Variants in FAM117B observed in about 807,000 individuals in gnomAD.
FAM117B encodes protein FAM117B.
FAM117B carries 22 observed loss-of-function variants against 52.8 expected under a neutral mutation model. The ratio of observed to expected loss-of-function variants is 0.42; its 90% CI spans 0.30 to 0.59. The LOEUF is 0.59. Among genes scored for constraint, FAM117B ranks in the 20% least tolerant of loss-of-function variants. FAM117B has a pLI of 0.22. For missense variants in FAM117B, 678 were observed against 802.6 expected (o/e 0.84, Z 1.88); for synonymous variants, 309 against 324.1 (o/e 0.95, Z 0.50).
At chr2:202,654,079 G>A (rs897789103) in intron 1 of FAM117B, among the ~76,000 whole-genome samples, 2 of 151,524 alleles carry the variant, frequency 1.3e-5, no homozygotes, top group African/African-American at 4.9e-5. Flanking sequence ...GAGAGAGAGA[G>A]AGAGAGAGAG....
intron 4 of FAM117B, among the ~76,000 whole-genome samples, chr2:202,738,066 T>C (rs538293969): frequency 6.6e-6 from 1 of 152,338 alleles, no homozygotes; most frequent in South Asian, 2.1e-4. Flanking sequence ...GTATCCTGTT[T>C]GGTGAAGTGT....
rs984856735 is a variant in FAM117B, at chr2:202,635,961, G to C, written c.601+173G>C. Among the ~76,000 whole-genome samples the C allele has an allele frequency of 2.0e-5, 3 of 151,712 alleles. No homozygotes were observed. In the South Asian group the frequency reaches 6.2e-4, roughly 31 times the overall value. The stretch of plus-strand genomic sequence containing the variant: ...CCGGCAGTGCGGCCCCGCCTTTCCC[G>C]GGCCTACCCTACGCCCCGCCCGCCC... On this transcript the variant is annotated intron_variant, in intron 1 of 7. Transcript: ENST00000392238.
At chr2:202,652,904 C>G (rs1424689383) in intron 1 of FAM117B, among the ~76,000 whole-genome samples, 3 of 152,050 alleles carry the variant, frequency 2.0e-5, no homozygotes, top group Non-Finnish European at 2.9e-5. Flanking sequence ...GGAGAACTTG[C>G]AAGATTTAAG....
At chr2:202,664,475 T>C (rs949833833) in intron 1 of FAM117B, among the ~76,000 whole-genome samples, 25 of 152,228 alleles carry the variant, frequency 1.6e-4, no homozygotes, top group African/African-American at 6.0e-4. Context: ...GCATTGGCCC[T>C]GGATACATGT....
chr2:202,677,077 T>TC (rs1690388606), intron 1 of FAM117B, among the ~76,000 whole-genome samples: 1 of 151,558 alleles, frequency 6.6e-6, no homozygotes, highest in Admixed American at 6.6e-5. Context: ...TTTTTTTTTT[T>TC]TCCTTTCTTT....
At chr2:202,678,299 C>T (rs1486067646) in intron 1 of FAM117B, among the ~76,000 whole-genome samples, 5 of 152,130 alleles carry the variant, frequency 3.3e-5, no homozygotes, top group South Asian at 4.2e-4. Flanking sequence ...ACCCTGTGTG[C>T]GGTAGAAAAG....
intron 1 of FAM117B, among the ~76,000 whole-genome samples, chr2:202,678,686 A>G (rs556783771): frequency 1.1e-3 from 160 of 152,306 alleles, no homozygotes; most frequent in Admixed American, 1.0e-3. Flanking sequence ...CCTCCAGAGT[A>G]ACTGGGATTA....
At chr2:202,638,127 C>T (rs561672205) in intron 1 of FAM117B, among the ~76,000 whole-genome samples, 3 of 152,226 alleles carry the variant, frequency 2.0e-5, no homozygotes, top group South Asian at 2.1e-4. Flanking sequence ...CTGCCGACCT[C>T]GGCCTCCCCA....
intron 2 of FAM117B, among the ~76,000 whole-genome samples, chr2:202,698,433 CT>C (rs559214411): frequency 1.3e-5 from 2 of 150,760 alleles, no homozygotes; most frequent in Admixed American, 1.3e-4. Flanking sequence ...CTTTTTTTTT[CT>C]TTTTTTGGAA....
chr2:202,708,062 G>A lies in FAM117B; in HGVS notation c.753+12030G>A, dbSNP rs552759876. Among the ~76,000 whole-genome samples, 5 of 152,166 alleles carry A rather than the reference G, an allele frequency of 3.3e-5. No homozygotes were observed. In the South Asian group the frequency reaches 6.2e-4, roughly 19 times the overall value. On this transcript the variant is annotated intron_variant, in intron 2 of 7. Coordinates refer to ENST00000392238, the MANE Select transcript of FAM117B (RefSeq NM_173511.4). ...TGGGATTACAGGCATAAGCCACCAC[G>A]CCCAGCCTAATTTTTTATTTTATTG... is the stretch of plus-strand genomic sequence containing the variant.
At chr2:202,654,641 A>T (rs1690025155) in intron 1 of FAM117B, among the ~76,000 whole-genome samples, 1 of 151,900 alleles carries the variant, frequency 6.6e-6, no homozygotes, top group East Asian at 1.9e-4. Flanking sequence ...GTAAGAGGTA[A>T]TAGAACAGTT....
At chr2:202,725,299 C>CTTTTTTTTT (rs11432596) in intron 3 of FAM117B, 2 of 148,214 alleles carry the variant, frequency 1.3e-5, no homozygotes. Context: ...CACATTTATT[C>CTTTTTTTTT]TTTTTTTTTT....
chr2:202,704,227 C>T (rs1005637195), intron 2 of FAM117B, among the ~76,000 whole-genome samples: 5 of 152,120 alleles, frequency 3.3e-5, no homozygotes, highest in African/African-American at 7.2e-5. Flanking sequence ...ATAAAACTCT[C>T]GGAACAGTAT....
Position 202,766,087 on chromosome 2 carries a change from C to T in FAM117B, c.*323C>T, listed in dbSNP as rs1001646834. The T allele has an allele frequency of 3.4e-5, 8 of 236,418 alleles. No homozygotes were observed. The highest frequency in any genetic ancestry group is 1.4e-4 in the African/African-American group (6 of 43,958). 14.6% of individuals were successfully genotyped at this position (236,418 alleles called of 1,614,324 possible). ...ACACACACACACACACACACACACA[C>T]ACACACACACACACACACACCCCTG... is the stretch of plus-strand genomic sequence containing the variant. On this transcript the variant is annotated 3_prime_UTR_variant, in exon 8 of 8. Coordinates refer to ENST00000392238, the MANE Select transcript of FAM117B (RefSeq NM_173511.4).
intron 1 of FAM117B, among the ~76,000 whole-genome samples, chr2:202,692,620 T>A (rs1196200019): frequency 6.6e-6 from 1 of 152,234 alleles, no homozygotes; most frequent in Non-Finnish European, 1.5e-5. Context: ...TAGTTAAAAG[T>A]TAGCGTTCCA....
At chr2:202,710,897 G>A (rs1375657501) in intron 2 of FAM117B, among the ~76,000 whole-genome samples, 1 of 151,128 alleles carries the variant, frequency 6.6e-6, no homozygotes, top group South Asian at 2.1e-4. Context: ...CTTTTTTTTT[G>A]TTATGGCTGA....
At chr2:202,667,056 G>A (rs1409056258) in intron 1 of FAM117B, among the ~76,000 whole-genome samples, 1 of 151,962 alleles carries the variant, frequency 6.6e-6, no homozygotes, top group African/African-American at 2.4e-5. Context: ...TAAAAATGTC[G>A]TAAAAACTGG....
chr2:202,718,469 G>A (rs552341449), intron 2 of FAM117B, among the ~76,000 whole-genome samples: 1 of 152,030 alleles, frequency 6.6e-6, no homozygotes, highest in East Asian at 1.9e-4. Context: ...ATATAATGCT[G>A]TTCTTTATTT....
intron 1 of FAM117B, among the ~76,000 whole-genome samples, chr2:202,636,835 T>C (rs1232758081): frequency 1.3e-5 from 2 of 152,256 alleles, no homozygotes; most frequent in Non-Finnish European, 2.9e-5. Flanking sequence ...GATGACTCTT[T>C]CTTACTATTT....
Sources: allele counts gnomAD v4.1 joint callset (sites outside exome capture counted in the v4.1 genomes callset), GRCh38; gene constraint gnomAD v4.1.1; transcripts MANE v1.5; gene names NCBI Gene and HGNC (gene_info 2026-07-23, HGNC 2026-07-21).